The following POLR2F variants were observed in gnomAD, a reference collection of about 807,000 sequenced individuals.
POLR2F encodes the protein DNA-directed RNA polymerases I, II, and III subunit RPABC2.
In POLR2F, 12 loss-of-function variants were observed where a neutral mutation model predicts 22.7. That is an observed-to-expected ratio of 0.53 (90% CI 0.34 to 0.86). The LOEUF (loss-of-function observed/expected upper bound fraction) is 0.86. Among genes scored for constraint, POLR2F ranks in the 40% least tolerant of loss-of-function variants. The pLI is 0.02. For synonymous variants in POLR2F, 57 were observed against 66.0 expected, an observed-to-expected ratio of 0.86 and a Z score of 0.66; for missense variants, 126 against 171.5, an observed-to-expected ratio of 0.73 and a Z score of 1.48.
chr22:38,010,602 G>GGTTTTTTTTTT (rs1382349551), intron 1 of POLR2F, among the ~76,000 whole-genome samples: 5 of 60,898 alleles, frequency 8.2e-5, no homozygotes, highest in African/African-American at 3.6e-4. Context: ...AATTCCTTGT[G>GGTTTTTTTTTT]TTTTTTTTTT....
chr22:37,970,439 TAAAAA>T (rs139882), downstream of POLR2F, among the ~76,000 whole-genome samples: 3 of 128,896 alleles, frequency 2.3e-5, no homozygotes, highest in Non-Finnish European at 3.2e-5. Flanking sequence ...TGTCTCTACT[TAAAAA>T]AAAAAAAAAA....
chr22:37,997,419 T>G lies in POLR2F; in HGVS notation c.120+11107T>G, dbSNP rs563720489. On this transcript the variant is annotated intron_variant, in intron 1 of 2. Coordinates refer to the POLR2F transcript ENST00000333418. This position sits in a 1 kb window ranked among gnomAD's most constrained non-coding sequence, Gnocchi z 4.4. ...CTGGCCCTCCTGCCCTGGCTCCCTG[T>G]CTCTCTCCAGCCCTGTCTCTGTCTC... Among the ~76,000 whole-genome samples, 9 of 152,138 alleles carry G rather than the reference T, an allele frequency of 5.9e-5. No homozygotes were observed. Among genetic ancestry groups the G allele is most frequent in the East Asian group, 1.9e-4 (1 of 5,176 alleles).
downstream of POLR2F, among the ~76,000 whole-genome samples, chr22:38,027,373 T>C (rs890732943): frequency 6.6e-6 from 1 of 152,036 alleles, no homozygotes; most frequent in Non-Finnish European, 1.5e-5. Flanking sequence ...TGGAGGCGTG[T>C]CACCCATGTG....
intron 5 of POLR2F, among the ~76,000 whole-genome samples, chr22:38,036,382 G>A (rs1056871936): frequency 2.0e-5 from 3 of 151,768 alleles, no homozygotes; most frequent in Admixed American, 1.3e-4. Flanking sequence ...ATTCCCCGAA[G>A]GAGAGGCTTC....
At chr22:37,971,278 C>A (rs760647866), downstream of POLR2F, 67 of 470,938 alleles carry the variant, frequency 1.4e-4, no homozygotes, top group Admixed American at 4.2e-4. Context: ...GCATCAGCCT[C>A]GCAAACTTCA....
At chr22:37,975,046 G>A (rs1932183044) in intron 4 of POLR2F, among the ~76,000 whole-genome samples, 2 of 152,160 alleles carry the variant, frequency 1.3e-5, no homozygotes, top group Admixed American at 6.5e-5. Context: ...GGCCTGTGTT[G>A]CCCTGTTGTT....
chr22:37,990,066 A>G (rs965261164), intron 1 of POLR2F, among the ~76,000 whole-genome samples: 1 of 152,032 alleles, frequency 6.6e-6, no homozygotes, highest in African/African-American at 2.4e-5. Flanking sequence ...TCCAGTTCCT[A>G]TTGGGAGCCC....
chr22:37,972,209 T>A (rs1469139295), downstream of POLR2F: 3 of 1,286,798 alleles, frequency 2.3e-6, no homozygotes, highest in South Asian at 3.7e-5. Context: ...TGATGATCTA[T>A]CCTTTGCATT....
Position 37,978,661 on chromosome 22 carries a change from G to A in POLR2F, c.293+11491G>A, listed in dbSNP as rs1932299458. On this transcript the variant is annotated intron_variant, in intron 4 of 4. Transcript: ENST00000405557. The surrounding 1 kb of genome is among the most constrained non-coding windows in gnomAD (Gnocchi z 5.0). ...AGCCTGAGTTTCTTCACCTATAAAA[G>A]GATGATAACATTGGCTTAACTTGGG... Among the ~76,000 whole-genome samples, 1 of 152,178 alleles carries A rather than the reference G, an allele frequency of 6.6e-6. No individual in the cohort carries two copies. The highest frequency in any genetic ancestry group is 2.4e-5 in the African/African-American group (1 of 41,438).
chr22:37,999,589 C>T (rs900796701), intron 1 of POLR2F, among the ~76,000 whole-genome samples: 4 of 152,142 alleles, frequency 2.6e-5, no homozygotes, highest in African/African-American at 9.7e-5. Flanking sequence ...GACACCCCTT[C>T]CCCTCCCCAG....
rs989837113 is a variant in POLR2F, at chr22:38,016,971, C to T, written c.121-8898C>T. Among the ~76,000 whole-genome samples, 1 of 152,068 alleles carries T rather than the reference C, an allele frequency of 6.6e-6. No homozygotes were observed. The highest frequency in any genetic ancestry group is 1.5e-5 in the Non-Finnish European group (1 of 67,976). On this transcript the variant is annotated intron_variant, in intron 1 of 2. Transcript: ENST00000333418. The surrounding 1 kb of genome is among the most constrained non-coding windows in gnomAD (Gnocchi z 4.4). ...GCGGCCGGGAGAGATGGAGCCAGGC[C>T]GGGGTGCCGGGGGGCAGCGCAAGGG...
At chr22:38,022,629 T>C (rs2084970561) in intron 1 of POLR2F, among the ~76,000 whole-genome samples, 1 of 152,060 alleles carries the variant, frequency 6.6e-6, no homozygotes, top group African/African-American at 2.4e-5. Flanking sequence ...AGGCATTATC[T>C]GTTTATTTAT....
intron 1 of POLR2F, among the ~76,000 whole-genome samples, chr22:37,998,716 C>T (rs1352221101): frequency 6.6e-6 from 1 of 152,124 alleles, no homozygotes; most frequent in Non-Finnish European, 1.5e-5. Context: ...ACGGCCATTC[C>T]TCCGAGAGAA....
At chr22:37,983,804 G>C (rs1410254294), upstream of POLR2F, 3 of 1,419,222 alleles carry the variant, frequency 2.1e-6, no homozygotes, top group Non-Finnish European at 1.8e-6. This position sits in a 1 kb window ranked among gnomAD's most constrained non-coding sequence, Gnocchi z 9.5. Flanking sequence ...GGCCGCCGCC[G>C]CCGCCGCCTC....
chr22:37,968,321 C>A lies in POLR2F; in HGVS notation c.*606C>A. 1 of 985,932 alleles carries A rather than the reference C, an allele frequency of 1.0e-6. No individual in the cohort carries two copies. The highest frequency in any genetic ancestry group is 1.2e-6 in the Non-Finnish European group (1 of 830,218). The allele number at this position is 985,932 out of a possible 1,614,324, so 61.1% of individuals were successfully genotyped here. A position where few individuals can be genotyped will look rare whatever the true frequency, so the allele number is the denominator to read the frequency against. Reference sequence around the variant, plus strand: ...GAGCAAGGACCGAGCACCTGCCTACCCCTGCCCCCATGGCTCTGTCCCCAC... The same window carrying A: ...GAGCAAGGACCGAGCACCTGCCTACACCTGCCCCCATGGCTCTGTCCCCAC... On this transcript the variant is annotated 3_prime_UTR_variant, in exon 5 of 5. Transcript: ENST00000442738.
At chr22:37,971,093 G>T, downstream of POLR2F, 1 of 381,246 alleles carries the variant, frequency 2.6e-6, no homozygotes, top group South Asian at 2.0e-5. Context: ...GCTGGAGACC[G>T]CAGATGGAAG....
rs1369448226 is a variant in POLR2F, at chr22:37,978,138, G to T, written c.293+10968G>T. On this transcript the variant is annotated intron_variant, in intron 4 of 4. Coordinates refer to the POLR2F transcript ENST00000405557. This position sits in a 1 kb window ranked among gnomAD's most constrained non-coding sequence, Gnocchi z 5.0. ...GCTTGTCACTTTCGTTCAGCAGCCT[G>T]GGGTGTGGTGGGAGGCGGAGAGGAC... The T allele has an allele frequency of 1.9e-6, 3 of 1,554,498 alleles. No individual in the cohort carries two copies. Among genetic ancestry groups the T allele is most frequent in the Non-Finnish European group, 1.7e-6 (2 of 1,150,870 alleles).
chr22:37,991,656 G>A (rs905372806), intron 1 of POLR2F, among the ~76,000 whole-genome samples: 10 of 152,160 alleles, frequency 6.6e-5, no homozygotes, highest in African/African-American at 1.9e-4. Context: ...GGATGTGGAG[G>A]CACCATGGCC....
upstream of POLR2F, among the ~76,000 whole-genome samples, chr22:37,985,736 G>A (rs1932550555): frequency 6.6e-6 from 1 of 151,926 alleles, no homozygotes; most frequent in Non-Finnish European, 1.5e-5. Context: ...AGTCCAAAGG[G>A]GTGTAGGGGG....
Sources: allele counts gnomAD v4.1 joint callset (sites outside exome capture counted in the v4.1 genomes callset), GRCh38; gene constraint gnomAD v4.1.1; non-coding constraint Gnocchi (gnomAD v3.1); transcripts MANE v1.5; gene names NCBI Gene and HGNC (gene_info 2026-07-23, HGNC 2026-07-21).